Variants in GPC6 observed in about 807,000 individuals in gnomAD.
GPC6 encodes the protein glypican 6.
A neutral mutation model predicts 55.2 loss-of-function variants in GPC6; 14 were observed. The ratio of observed to expected loss-of-function variants is 0.25; its 90% CI spans 0.17 to 0.40. GPC6 has a LOEUF of 0.40. Ranked by LOEUF, GPC6 falls within the 10% of genes least tolerant of loss-of-function variation. The pLI is 1.00. For missense variants in GPC6, 641 were observed against 708.5 expected (o/e 0.90, Z 1.08); for synonymous variants, 278 against 259.6 (o/e 1.07, Z -0.68).
At chr13:93,342,929 A>G (rs758550009) in intron 1 of GPC6, among the ~76,000 whole-genome samples, 1 of 152,300 alleles carries the variant, frequency 6.6e-6, no homozygotes, top group South Asian at 2.1e-4. Context: ...ACCACACAGG[A>G]AGGAAATTTG....
At chr13:93,561,754 A>C (rs1875824570) in intron 2 of GPC6, among the ~76,000 whole-genome samples, 1 of 152,142 alleles carries the variant, frequency 6.6e-6, no homozygotes, top group African/African-American at 2.4e-5. Flanking sequence ...ATTTACTTCC[A>C]GCTGGCAACG....
At chr13:94,179,460 T>A (rs932765199) in intron 4 of GPC6, among the ~76,000 whole-genome samples, 1 of 152,208 alleles carries the variant, frequency 6.6e-6, no homozygotes, top group African/African-American at 2.4e-5. Flanking sequence ...TTGCCTGCTT[T>A]ATGTTTTTTT....
intron 2 of GPC6, among the ~76,000 whole-genome samples, chr13:93,762,956 A>G (rs988641821): frequency 3.9e-5 from 6 of 152,208 alleles, no homozygotes; most frequent in Non-Finnish European, 8.8e-5. Context: ...ACAAGCTGTG[A>G]GTAATAGAGT....
intron 2 of GPC6, among the ~76,000 whole-genome samples, chr13:93,639,501 G>C (rs879579120): frequency 4.6e-5 from 7 of 152,038 alleles, no homozygotes; most frequent in Admixed American, 4.6e-4. Context: ...ATTTAAAATA[G>C]ACTGTGGATC....
At chr13:94,367,267 G>A (rs1487182424) in intron 6 of GPC6, among the ~76,000 whole-genome samples, 1 of 152,168 alleles carries the variant, frequency 6.6e-6, no homozygotes, top group African/African-American at 2.4e-5. Context: ...TGCCACATTT[G>A]AGGTACCTTG....
intron 2 of GPC6, among the ~76,000 whole-genome samples, chr13:93,630,122 T>C (rs545775298): frequency 3.9e-4 from 60 of 152,324 alleles, no homozygotes; most frequent in African/African-American, 1.4e-3. Context: ...CTTACTGGGT[T>C]CTTTTGAGTG....
At chr13:93,455,302 CCA>C (rs1427327059) in intron 1 of GPC6, among the ~76,000 whole-genome samples, 2 of 152,176 alleles carry the variant, frequency 1.3e-5, no homozygotes, top group Non-Finnish European at 2.9e-5. Flanking sequence ...GAGGAGGCGC[CCA>C]GAGCGAGGGA....
chr13:93,231,884 A>T (rs1049849444), intron 1 of GPC6, among the ~76,000 whole-genome samples: 16 of 152,184 alleles, frequency 1.1e-4, no homozygotes, highest in Non-Finnish European at 1.9e-4. Flanking sequence ...GCTGGATATT[A>T]AAAAAGCACT....
intron 2 of GPC6, among the ~76,000 whole-genome samples, chr13:93,591,846 G>T (rs1877504834): frequency 6.6e-6 from 1 of 152,084 alleles, no homozygotes; most frequent in African/African-American, 2.4e-5. Flanking sequence ...ACAAGTTTTT[G>T]GTTTTCAGAA....
At position 94,010,419 on chromosome 13, in the gene GPC6, G is replaced by A. The variant is rs114852506; in HGVS notation, c.712-17310G>A. Reference sequence around the variant, plus strand: ...GAAGCTTTTCTCTATTAACAAAGTGGTATTCCTTTAGAAGCTGAATTAACT... The same window carrying A: ...GAAGCTTTTCTCTATTAACAAAGTGATATTCCTTTAGAAGCTGAATTAACT... On this transcript the variant is annotated intron_variant, in intron 3 of 8. Coordinates refer to ENST00000377047, the MANE Select transcript of GPC6 (RefSeq NM_005708.5). Among the ~76,000 whole-genome samples the A allele has an allele frequency of 3.7e-3, 557 of 152,174 alleles. 3 individuals carry two copies. The highest frequency in any genetic ancestry group is 0.013 in the African/African-American group (542 of 41,552).
At chr13:94,223,265 T>G (rs960310662) in intron 4 of GPC6, among the ~76,000 whole-genome samples, 2 of 152,156 alleles carry the variant, frequency 1.3e-5, no homozygotes, top group Non-Finnish European at 2.9e-5. Context: ...TTAAAAACAT[T>G]ATAGATACTC....
intron 3 of GPC6, among the ~76,000 whole-genome samples, chr13:93,842,512 C>G (rs1298414813): frequency 6.6e-6 from 1 of 151,958 alleles, no homozygotes; most frequent in Non-Finnish European, 1.5e-5. Flanking sequence ...ATAGTACTTT[C>G]CCAACAATGG....
chr13:93,380,918 G>A (rs918348724), intron 1 of GPC6, among the ~76,000 whole-genome samples: 3 of 152,116 alleles, frequency 2.0e-5, no homozygotes, highest in Non-Finnish European at 4.4e-5. Flanking sequence ...TCCAGGTAGA[G>A]AGTGGTCTAG....
At chr13:94,121,196 G>T (rs1027477691) in intron 4 of GPC6, among the ~76,000 whole-genome samples, 55 of 152,016 alleles carry the variant, frequency 3.6e-4, no homozygotes, top group African/African-American at 1.3e-3. Context: ...TGCTGTTGGG[G>T]TACCATACCT....
At chr13:93,462,540 T>C (rs769021700) in intron 1 of GPC6, among the ~76,000 whole-genome samples, 6 of 151,312 alleles carry the variant, frequency 4.0e-5, no homozygotes, top group Non-Finnish European at 8.8e-5. Context: ...AATTTAACCT[T>C]AAAGATGAAA....
intron 2 of GPC6, among the ~76,000 whole-genome samples, chr13:93,711,861 C>T (rs1257693011): frequency 6.6e-6 from 1 of 151,650 alleles, no homozygotes; most frequent in Non-Finnish European, 1.5e-5. Context: ...AGAAAAAATG[C>T]CCCCCTCTCT....
At chr13:94,364,977 C>T (rs1879224315) in intron 6 of GPC6, among the ~76,000 whole-genome samples, 1 of 152,174 alleles carries the variant, frequency 6.6e-6, no homozygotes, top group African/African-American at 2.4e-5. Context: ...CCTACTCTGC[C>T]GATTGTTCAT....
intron 4 of GPC6, among the ~76,000 whole-genome samples, chr13:94,152,535 A>G (rs952036160): frequency 1.3e-5 from 2 of 152,158 alleles, no homozygotes; most frequent in African/African-American, 4.8e-5. Flanking sequence ...GTAAGTAGGT[A>G]AAATGTAAAG....
chr13:93,535,990 A>G (rs572997624), intron 1 of GPC6, among the ~76,000 whole-genome samples: 2 of 152,280 alleles, frequency 1.3e-5, no homozygotes, highest in Admixed American at 1.3e-4. Context: ...TTTGCATGAA[A>G]GATTTACTCC....
Sources: allele counts gnomAD v4.1 joint callset (sites outside exome capture counted in the v4.1 genomes callset), GRCh38; gene constraint gnomAD v4.1.1; transcripts MANE v1.5; gene names NCBI Gene and HGNC (gene_info 2026-07-23, HGNC 2026-07-21).